Variants in KCNQ1 observed in about 807,000 individuals in gnomAD.
KCNQ1 encodes the protein potassium voltage-gated channel subfamily Q member 1.
Under a neutral mutation model 72.4 loss-of-function variants are expected in KCNQ1, and 49 were observed. The ratio of observed to expected loss-of-function variants is 0.68; its 90% CI spans 0.54 to 0.86. The LOEUF is 0.86. Among genes scored for constraint, KCNQ1 ranks in the 40% least tolerant of loss-of-function variants. The pLI is 0.00. For synonymous variants in KCNQ1, 450 were observed against 412.6 expected, an observed-to-expected ratio of 1.09 and a Z score of -1.10; for missense variants, 790 against 945.1, an observed-to-expected ratio of 0.84 and a Z score of 2.15.
At chr11:2,788,068 A>G (rs1846946169) in intron 15 of KCNQ1, among the ~76,000 whole-genome samples, 3 of 152,164 alleles carry the variant, frequency 2.0e-5, no homozygotes, top group Admixed American at 6.5e-5. Context: ...GTGAGTGCCC[A>G]TAGAATGTGG....
intron 10 of KCNQ1, chr11:2,629,745 T>TA (rs1849322641): frequency 2.5e-6 from 1 of 398,406 alleles, no homozygotes; most frequent in African/African-American, 2.1e-5. Context: ...AGTGTATAGA[T>TA]ACGCAAATGA....
intron 10 of KCNQ1, among the ~76,000 whole-genome samples, chr11:2,596,351 A>G (rs2133771151): frequency 6.6e-6 from 1 of 152,348 alleles, no homozygotes; most frequent in African/African-American, 2.4e-5. Context: ...ATCCAGGAGA[A>G]ATAAGATCAT....
intron 10 of KCNQ1, chr11:2,629,199 C>A (rs1261542468): frequency 5.0e-6 from 2 of 398,120 alleles, no homozygotes; most frequent in Non-Finnish European, 8.9e-6. Flanking sequence ...GCTATTTCGG[C>A]AATATTTATT....
At chr11:2,529,079 C>T (rs1407334510) in intron 2 of KCNQ1, among the ~76,000 whole-genome samples, 2 of 152,214 alleles carry the variant, frequency 1.3e-5, no homozygotes, top group African/African-American at 4.8e-5. Flanking sequence ...GTCACTCTTC[C>T]CTCGTCTTCC....
rs775935214 is a variant in KCNQ1, at chr11:2,588,803, C to T, written c.1342C>T (p.Pro448Ser). ...LTVPHITCDP[P>S]EERRLDHFSV... Reference sequence around the variant, plus strand: ...AGTCCCCCATATCACGTGCGACCCCCCAGAAGAGCGGCGGCTGGACCACTT... The same window carrying T: ...AGTCCCCCATATCACGTGCGACCCCTCAGAAGAGCGGCGGCTGGACCACTT... Residue 448 changes from proline (P) to serine (S), a missense_variant, in exon 10 of 16, where the codon CCA becomes TCA. Physicochemically the swap from Pro to Ser is moderately conservative, Grantham distance 74. Around this residue, in one of 5 missense-constraint regions of KCNQ1, gnomAD observed 178 missense variants for 177.9 expected, o/e 1.00. Transcript: ENST00000155840. This position sits in a 1 kb window ranked among gnomAD's most constrained non-coding sequence, Gnocchi z 5.6. The T allele has an allele frequency of 6.2e-7, 1 of 1,613,502 alleles. No homozygotes were observed. The highest frequency in any genetic ancestry group is 1.1e-5 in the South Asian group (1 of 91,014).
Position 2,486,267 on chromosome 11 carries a change from C to T in KCNQ1, c.386+40783C>T, listed in dbSNP as rs146758648. Among the ~76,000 whole-genome samples the T allele has an allele frequency of 2.6e-5, 4 of 152,168 alleles. No individual in the cohort carries two copies. Among genetic ancestry groups the T allele is most frequent in the Non-Finnish European group, 5.9e-5 (4 of 68,036 alleles). ...TGAGTAGTGATGTTGAGTATCTTTTCATGCTCTTATTAGCCATTTGTATAT... is the reference window on the plus strand; with the variant it reads ...TGAGTAGTGATGTTGAGTATCTTTTTATGCTCTTATTAGCCATTTGTATAT... On this transcript the variant is annotated intron_variant, in intron 1 of 15. Coordinates refer to ENST00000155840, the MANE Select transcript of KCNQ1 (RefSeq NM_000218.3). The surrounding 1 kb of genome is among the most constrained non-coding windows in gnomAD (Gnocchi z 5.0).
Position 2,627,106 on chromosome 11 carries a change from T to C in KCNQ1, c.1394-34855T>C, listed in dbSNP as rs1280144193. ...ACTTTAATTTCTTTCAGCATTGTTT[T>C]GTAATTTTCATTGTACAAGACTTTC... On this transcript the variant is annotated intron_variant, in intron 10 of 15. Coordinates refer to ENST00000155840, the MANE Select transcript of KCNQ1 (RefSeq NM_000218.3). The surrounding 1 kb of genome is among the most constrained non-coding windows in gnomAD (Gnocchi z 4.9). 2 of 398,494 alleles carry C rather than the reference T, an allele frequency of 5.0e-6. No individual in the cohort carries two copies. Among genetic ancestry groups the C allele is most frequent in the Non-Finnish European group, 8.8e-6 (2 of 226,058 alleles). The allele number at this position is 398,494 out of a possible 1,614,324, so 24.7% of individuals were successfully genotyped here.
At position 2,734,899 on chromosome 11, in the gene KCNQ1, G is replaced by C. The variant is rs1291802316; in HGVS notation, c.1515-33945G>C. Reference sequence around the variant, plus strand: ...AGGCCCCGGCTGGGACCACCGCAGAGGTGATGTCTCCAGGAGGCTTCTGGG... The same window carrying C: ...AGGCCCCGGCTGGGACCACCGCAGACGTGATGTCTCCAGGAGGCTTCTGGG... On this transcript the variant is annotated intron_variant, in intron 11 of 15. Coordinates refer to ENST00000155840, the MANE Select transcript of KCNQ1 (RefSeq NM_000218.3). This position sits in a 1 kb window ranked among gnomAD's most constrained non-coding sequence, Gnocchi z 7.0. 1.3e-5 allele frequency among the ~76,000 whole-genome samples: 2 copies of C among 152,036 alleles called. No homozygotes were observed. The highest frequency in any genetic ancestry group is 2.9e-5 in the Non-Finnish European group (2 of 67,982).
At chr11:2,569,676 C>T (rs368134251) in intron 2 of KCNQ1, among the ~76,000 whole-genome samples, 45 of 152,350 alleles carry the variant, frequency 3.0e-4, no homozygotes, top group African/African-American at 8.7e-4. Flanking sequence ...CCGTACACCC[C>T]GGCTGCCTGG....
At position 2,720,771 on chromosome 11, in the gene KCNQ1, C is replaced by T. The variant is rs1484312248; in HGVS notation, c.1515-48073C>T. Among the ~76,000 whole-genome samples the T allele has an allele frequency of 2.0e-5, 3 of 152,142 alleles. No individual in the cohort carries two copies. Among genetic ancestry groups the T allele is most frequent in the Non-Finnish European group, 4.4e-5 (3 of 68,032 alleles). On this transcript the variant is annotated intron_variant, in intron 11 of 15. Coordinates refer to ENST00000155840, the MANE Select transcript of KCNQ1 (RefSeq NM_000218.3). The surrounding 1 kb of genome is among the most constrained non-coding windows in gnomAD (Gnocchi z 5.1). ...GGGTTCATAGTGTGTCCCTCTCAGCCAATGGGAAGTCGTGCCCTTGGATCA... is the reference window on the plus strand; with the variant it reads ...GGGTTCATAGTGTGTCCCTCTCAGCTAATGGGAAGTCGTGCCCTTGGATCA...
rs892818994 is a variant in KCNQ1, at chr11:2,461,001, T to A, written c.386+15517T>A. Among the ~76,000 whole-genome samples, 16 of 152,220 alleles carry A rather than the reference T, an allele frequency of 1.1e-4. No homozygotes were observed. In the South Asian group the frequency reaches 1.2e-3, roughly 12 times the overall value. The stretch of plus-strand genomic sequence containing the variant: ...TGCAGGACCTGGGTTTCCGGGGGTG[T>A]CCGGGAGTCGGATGGGCCTCACTCT... On this transcript the variant is annotated intron_variant, in intron 1 of 15. Coordinates refer to ENST00000155840, the MANE Select transcript of KCNQ1 (RefSeq NM_000218.3).
intron 2 of KCNQ1, among the ~76,000 whole-genome samples, chr11:2,533,997 G>A (rs1564809051): frequency 6.6e-6 from 1 of 152,200 alleles, no homozygotes; most frequent in Non-Finnish European, 1.5e-5. Context: ...CCCCTCTGCT[G>A]AGGCTCCCTC....
chr11:2,811,994 G>A (rs1847497202), intron 15 of KCNQ1, among the ~76,000 whole-genome samples: 3 of 152,084 alleles, frequency 2.0e-5, no homozygotes, highest in Admixed American at 1.3e-4. Context: ...CAGCCCCACC[G>A]GCTGTGCCGC....
intron 1 of KCNQ1, among the ~76,000 whole-genome samples, chr11:2,460,848 G>T (rs780793610): frequency 4.2e-4 from 64 of 152,332 alleles, no homozygotes; most frequent in African/African-American, 1.5e-3. Flanking sequence ...GGAGCACTTT[G>T]CCCCAGGCTG....
intron 10 of KCNQ1, chr11:2,618,925 T>C (rs933565231): frequency 2.0e-5 from 8 of 398,244 alleles, no homozygotes; most frequent in Non-Finnish European, 3.1e-5. Context: ...CTAAGCAATT[T>C]TTTTGATGCT....
At chr11:2,700,331 G>C (rs1189060306) in intron 11 of KCNQ1, among the ~76,000 whole-genome samples, 1 of 152,130 alleles carries the variant, frequency 6.6e-6, no homozygotes, top group African/African-American at 2.4e-5. Flanking sequence ...GCATCGCCGG[G>C]GTGAGCTGGA....
chr11:2,806,472 A>T (rs143178025), intron 15 of KCNQ1, among the ~76,000 whole-genome samples: 1 of 152,208 alleles, frequency 6.6e-6, no homozygotes, highest in Non-Finnish European at 1.5e-5. Flanking sequence ...GCCATGTGGG[A>T]GGGTAGGCGA....
chr11:2,662,340 C>A, intron 11 of KCNQ1: 1 of 574,336 alleles, frequency 1.7e-6, no homozygotes, highest in Non-Finnish European at 3.1e-6. Context: ...CACTTGTTTT[C>A]ATGCTTTGAG....
chr11:2,793,387 A>G (rs191801820), intron 15 of KCNQ1, among the ~76,000 whole-genome samples: 3 of 90,392 alleles, frequency 3.3e-5, no homozygotes, highest in Admixed American at 3.0e-4. Context: ...TAGGAGGCCA[A>G]GACGGGGGGA....
Sources: gnomAD v4.1 joint callset for allele counts (sites outside exome capture counted in the v4.1 genomes callset) on GRCh38, gnomAD v4.1.1 for gene constraint, gnomAD v4.1.1 regional missense constraint, Gnocchi (gnomAD v3.1) non-coding constraint, MANE v1.5 for transcripts, NCBI Gene and HGNC (gene_info 2026-07-23, HGNC 2026-07-21) for gene names.